The following KMT2B variants were observed in gnomAD, a reference collection of about 807,000 sequenced individuals.
The protein encoded by KMT2B is histone-lysine N-methyltransferase 2B.
KMT2B carries 22 observed loss-of-function variants against 255.3 expected under a neutral mutation model. The ratio of observed to expected loss-of-function variants is 0.09; its 90% CI spans 0.06 to 0.12. The LOEUF is 0.12. KMT2B is among the 10% of genes least tolerant of loss of function. The pLI, the probability that KMT2B is intolerant of heterozygous loss-of-function variation, is 1.00. For synonymous variants in KMT2B, 1,730 were observed against 1,498.1 expected (o/e 1.15, Z -3.57); for missense variants, 3,149 against 3,737.0 (o/e 0.84, Z 4.10).
At chr19:35,735,480 C>T (rs1389095830) in intron 30 of KMT2B, 1 of 152,364 alleles carries the variant, frequency 6.6e-6, no homozygotes, top group Non-Finnish European at 1.5e-5. Flanking sequence ...TCACAGCTGT[C>T]AGGCTAGATG....
chr19:35,721,890 A>G (rs1459564687), intron 3 of KMT2B, 86 bp downstream of exon 3: 36 of 1,438,464 alleles, frequency 2.5e-5, no homozygotes, highest in Admixed American at 8.4e-5. Flanking sequence ...CTCCTTGGAC[A>G]CTTTCCAGCA....
Position 35,727,737 on chromosome 19 carries a change from G to A in KMT2B, c.4342G>A (p.Gly1448Ser), listed in dbSNP as rs749126437. The A allele has an allele frequency of 9.9e-6, 16 of 1,613,702 alleles. No individual in the cohort carries two copies. Among genetic ancestry groups the A allele is most frequent in the Admixed American group, 3.3e-5 (2 of 60,012 alleles). Reference protein sequence around the residue: ...DGKQLHPGPCGLQAVSQRFED... With the variant: ...DGKQLHPGPCSLQAVSQRFED... ...GAAGCAACTGCACCCAGGACCCTGC[G>A]GCCTGCAAGCTGTGAGTCAGCGCTT... The change falls in exon 17 of 37, where the codon GGC (glycine) becomes AGC (serine). Residue 1448 changes from glycine to serine, a missense_variant. Physicochemically the swap from Gly to Ser is moderately conservative, Grantham distance 56. Around this residue, in one of 18 missense-constraint regions of KMT2B, gnomAD observed 377 missense variants for 471.0 expected, o/e 0.80. Coordinates refer to ENST00000420124, the MANE Select transcript of KMT2B (RefSeq NM_014727.3). The surrounding 1 kb of genome is among the most constrained non-coding windows in gnomAD (Gnocchi z 4.2).
rs866223177 is a variant in KMT2B, at chr19:35,722,464, C to T, written c.2563C>T (p.Arg855Trp). The change falls in exon 4 of 37, where the codon CGG becomes TGG. Residue 855 changes from arginine (R) to tryptophan (W), a missense_variant. By Grantham distance (101) the Arg-to-Trp change is moderately radical (BLOSUM62 -3). This residue lies in a region of KMT2B where 1,188 missense variants were observed against 1,106.4 expected (regional missense o/e 1.07). Transcript: ENST00000420124. ...EDESVEAKRE[R>W]PSGPESPVQG... is the part of the protein sequence containing the mutation. ...TGAGTCGGTGGAAGCTAAGAGAGAG[C>T]GGCCCTCAGTATGCATCGGGAGGAG... 21 of 1,607,260 alleles carry T rather than the reference C, an allele frequency of 1.3e-5. No individual in the cohort carries two copies. In the African/African-American group the frequency reaches 1.7e-4, roughly 13 times the overall value.
In KMT2B at chr19:35,732,067, A is replaced by G. The variant is rs781284316; in HGVS notation, c.5597A>G (p.Lys1866Arg). The change falls in exon 27 of 37, where the codon AAA becomes AGA. Residue 1866 changes from lysine (K) to arginine (R), a missense_variant. Physicochemically the swap from Lys to Arg is conservative, Grantham distance 26 (BLOSUM62 2). This residue lies in a region of KMT2B where 897 missense variants were observed against 825.3 expected (regional missense o/e 1.09). Coordinates refer to ENST00000420124, the MANE Select transcript of KMT2B (RefSeq NM_014727.3). ...APRSFSGARI[K>R]VPNYSPSRRP... ...CGTTCTTTTTCGGGGGCTCGAATCA[A>G]AGTGCCCAACTACTCGCCATCCCGG... 1 of 1,611,058 alleles carries G rather than the reference A, an allele frequency of 6.2e-7. No individual in the cohort carries two copies.
chr19:35,730,187 C>G (rs1010900949), intron 23 of KMT2B, 62 bp downstream of exon 23: 25 of 1,605,260 alleles, frequency 1.6e-5, no homozygotes, highest in Admixed American at 3.3e-5. Flanking sequence ...CACTTAGGGA[C>G]CCCCGTGGCC....
chr19:35,719,292 A>T (rs1222383752), intron 1 of KMT2B, among the ~76,000 whole-genome samples, 177 bp from the exon 2 acceptor site: 4 of 152,094 alleles, frequency 2.6e-5, no homozygotes, highest in Admixed American at 2.0e-4. Flanking sequence ...TGGCGCCTCC[A>T]TCCCTAGGGA....
chr19:35,718,260 G>A lies in KMT2B; in HGVS notation c.242G>A (p.Arg81His). 2.2e-5 allele frequency: 27 copies of A among 1,209,284 alleles called. No individual in the cohort carries two copies. The highest frequency in any genetic ancestry group is 2.8e-5 in the Non-Finnish European group (27 of 965,830). 74.9% of individuals were successfully genotyped at this position (1,209,284 alleles called of 1,614,324 possible). A position where few individuals can be genotyped will look rare whatever the true frequency, so the allele number is the denominator to read the frequency against. ...LGLRRGLRRL[R>H]RLWAGPRVQR... ...CTCCGCCGGGGCCTGCGCCGGCTCC[G>A]CCGCCTGTGGGCCGGCCCGCGGGTC... The change falls in exon 1 of 37, where the codon CGC becomes CAC. Residue 81 changes from arginine (R) to histidine (H), a missense_variant. Arg to His is a conservative substitution (Grantham distance 29). Around this residue, in one of 18 missense-constraint regions of KMT2B, gnomAD observed 1,188 missense variants for 1,106.4 expected, o/e 1.07. Transcript: ENST00000420124. This position sits in a 1 kb window ranked among gnomAD's most constrained non-coding sequence, Gnocchi z 5.0.
Position 35,719,994 on chromosome 19 carries a change from C to T in KMT2B, c.647C>T (p.Pro216Leu), listed in dbSNP as rs200386275. 3 of 1,613,286 alleles carry T rather than the reference C, an allele frequency of 1.9e-6. No individual in the cohort carries two copies. Among genetic ancestry groups the T allele is most frequent in the Non-Finnish European group, 2.5e-6 (3 of 1,179,746 alleles). Residue 216 changes from proline (P) to leucine (L), a missense_variant, in exon 3 of 37, where the codon CCC becomes CTC. Physicochemically the swap from Pro to Leu is moderately conservative, Grantham distance 98 (BLOSUM62 -3). Coordinates refer to ENST00000420124, the MANE Select transcript of KMT2B (RefSeq NM_014727.3). ...PRSRACEPSTPRRSRGRPPGR... is the reference protein window; with the variant it reads ...PRSRACEPSTLRRSRGRPPGR... ...AGCCGGGCATGTGAGCCCTCCACCC[C>T]CCGGCGGTCTCGGGGACGGCCCCCA...
At position 35,723,450 on chromosome 19, in the gene KMT2B, C is replaced by T; in HGVS notation, c.3006C>T (p.Tyr1002=). The change falls in exon 7 of 37, where the codon TAC becomes TAT. Residue 1002 remains tyrosine, a synonymous_variant. Coordinates refer to ENST00000420124, the MANE Select transcript of KMT2B (RefSeq NM_014727.3). This position sits in a 1 kb window ranked among gnomAD's most constrained non-coding sequence, Gnocchi z 7.5. ...GACGTGCTGCTCCCCTCCCCAGATA[C>T]CGGAAGTGTGACAAAATAGAGGCTC... is the stretch of plus-strand genomic sequence containing the variant. ...GPNTKKQCCV[Y]RKCDKIEARK... is the part of the protein sequence containing the mutation. The T allele has an allele frequency of 6.3e-7, 1 of 1,577,122 alleles. No individual in the cohort carries two copies. The highest frequency in any genetic ancestry group is 8.6e-7 in the Non-Finnish European group (1 of 1,162,026).
At chr19:35,722,297 C>T in intron 3 of KMT2B, 62 bp from the exon 4 acceptor site, 1 of 1,492,376 alleles carries the variant, frequency 6.7e-7, no homozygotes, top group Non-Finnish European at 9.0e-7. Context: ...GCCACCACAC[C>T]CAGCTCCCTG....
chr19:35,730,187 C>T lies in KMT2B; in HGVS notation c.5076+62C>T, dbSNP rs1010900949. 2.5e-6 allele frequency: 4 copies of T among 1,605,378 alleles called. No individual in the cohort carries two copies. In the South Asian group the frequency reaches 4.4e-5, roughly 18 times the overall value. On this transcript the variant is annotated intron_variant, in intron 23 of 36. Transcript: ENST00000420124. ...ACCTCTCTTCCTGTTCACTTAGGGA[C>T]CCCCGTGGCCCCCAGGCCTGGCCCT...
In KMT2B at chr19:35,732,317, C is replaced by A; in HGVS notation, c.5768C>A (p.Pro1923Gln). The A allele has an allele frequency of 6.2e-7, 1 of 1,611,240 alleles. No homozygotes were observed. Among genetic ancestry groups the A allele is most frequent in the Non-Finnish European group, 8.5e-7 (1 of 1,178,782 alleles). The stretch of plus-strand genomic sequence containing the variant: ...CGTCCCAGCCCTTTGGCTCCCAGGC[C>A]GCCTCCATCACGGTGGGCCTCCCCT... The part of the protein sequence containing the change: ...SRRPSPLAPR[P>Q]PPSRWASPPL... Residue 1923 changes from proline (P) to glutamine (Q), a missense_variant, in exon 28 of 37, where the codon CCG (proline) becomes CAG (glutamine). This residue lies in a region of KMT2B where 897 missense variants were observed against 825.3 expected (regional missense o/e 1.09). Coordinates refer to ENST00000420124, the MANE Select transcript of KMT2B (RefSeq NM_014727.3).
At chr19:35,734,999 C>G (rs956783592) in intron 30 of KMT2B, among the ~76,000 whole-genome samples, 2 of 152,110 alleles carry the variant, frequency 1.3e-5, no homozygotes, top group African/African-American at 4.8e-5. Context: ...CATTTTGGTG[C>G]GGGACACAGA....
At chr19:35,726,202 C>G (rs1440714153) in intron 13 of KMT2B, 34 bp from the exon 14 acceptor site, 1 of 1,545,952 alleles carries the variant, frequency 6.5e-7, no homozygotes, top group South Asian at 1.1e-5. Context: ...AGTCCAGTGC[C>G]TGGTTTTCCC....
In KMT2B at chr19:35,725,686, C is replaced by T. The variant is rs1002671235; in HGVS notation, c.3790-37C>T. 6 of 1,612,976 alleles carry T rather than the reference C, an allele frequency of 3.7e-6. No individual in the cohort carries two copies. In the African/African-American group the frequency reaches 8.0e-5, roughly 22 times the overall value. ...CCTGAAGGTGAGGGCATCCCTGTGC[C>T]AGCAGGTTTCGCCATCTCTGTCTCC... On this transcript the variant is annotated intron_variant, in intron 12 of 36. Transcript: ENST00000420124. This position sits in a 1 kb window ranked among gnomAD's most constrained non-coding sequence, Gnocchi z 4.1.
intron 5 of KMT2B, 41 bp from the exon 6 acceptor site, chr19:35,722,954 G>T (rs1476599758): frequency 1.5e-5 from 23 of 1,496,236 alleles, no homozygotes; most frequent in Non-Finnish European, 2.1e-5. Context: ...AAGCCTGGTG[G>T]CTTTGTGGCT....
rs1385086310 is a variant in KMT2B, at chr19:35,723,818, G to C, written c.3145G>C (p.Ala1049Pro). 1 of 1,594,366 alleles carries C rather than the reference G, an allele frequency of 6.3e-7. No homozygotes were observed. Among genetic ancestry groups the C allele is most frequent in the Admixed American group, 1.8e-5 (1 of 56,740 alleles). ...TGGTCCTCCAGGCCCACGCCGGGGG[G>C]CGGGAGCTGGGGGGCCCCGGGAGGA... ...SPGPPGPRRG[A>P]GAGGPREEVV... Residue 1049 changes from alanine to proline, a missense_variant, in exon 8 of 37, where the codon GCG becomes CCG. This residue lies in a region of KMT2B where 50 missense variants were observed against 71.9 expected (regional missense o/e 0.70). Coordinates refer to ENST00000420124, the MANE Select transcript of KMT2B (RefSeq NM_014727.3). The surrounding 1 kb of genome is among the most constrained non-coding windows in gnomAD (Gnocchi z 7.5).
Position 35,728,500 on chromosome 19 carries a change from A to AG in KMT2B, c.4572-270dup, listed in dbSNP as rs11380823. 1 allele frequency among the ~76,000 whole-genome samples: 152,032 copies of AG among 152,046 alleles called. 76,009 individuals are homozygous for AG. Among genetic ancestry groups the AG allele is most frequent in the Non-Finnish European group, 1 (68,006 of 68,006 alleles). The stretch of plus-strand genomic sequence containing the variant: ...ATACCAGGGGGCGGTGGGGGCCCGG[A>AG]GGGGTACCTGCTGGAGCCGAGGTGT... On this transcript the variant is annotated intron_variant, in intron 19 of 36. Transcript: ENST00000420124.
chr19:35,737,533 A>G lies in KMT2B; in HGVS notation c.7551-103A>G, dbSNP rs1051298356. 1 of 880,920 alleles carries G rather than the reference A, an allele frequency of 1.1e-6. No homozygotes were observed. The highest frequency in any genetic ancestry group is 1.8e-5 in the South Asian group (1 of 55,584). 54.6% of individuals were successfully genotyped at this position (880,920 alleles called of 1,614,324 possible). Reference sequence around the variant, plus strand: ...CCCATCTCTAAAATAAAAATTTAAAAAAGTTATTTCTAGAGCTGACATCAG... The same window carrying G: ...CCCATCTCTAAAATAAAAATTTAAAGAAGTTATTTCTAGAGCTGACATCAG... On this transcript the variant is annotated intron_variant, in intron 33 of 36. Transcript: ENST00000420124. This position sits in a 1 kb window ranked among gnomAD's most constrained non-coding sequence, Gnocchi z 5.3.
Sources: allele counts gnomAD v4.1 joint callset (sites outside exome capture counted in the v4.1 genomes callset), GRCh38; gene constraint gnomAD v4.1.1; regional missense constraint gnomAD v4.1.1; non-coding constraint Gnocchi (gnomAD v3.1); transcripts MANE v1.5; gene names NCBI Gene and HGNC (gene_info 2026-07-23, HGNC 2026-07-21).